Variants in XPR1 observed in about 807,000 individuals in gnomAD.
The protein encoded by XPR1 is solute carrier family 53 member 1.
Under a neutral mutation model 87.5 loss-of-function variants are expected in XPR1, and 28 were observed. That is an observed-to-expected ratio of 0.32 (90% CI 0.24 to 0.44). XPR1 has a LOEUF of 0.44. Ranked by LOEUF, XPR1 falls within the 20% of genes least tolerant of loss-of-function variation. XPR1 has a pLI of 1.00. For synonymous variants in XPR1, 300 were observed against 306.1 expected (o/e 0.98, Z 0.21); for missense variants, 559 against 862.3 (o/e 0.65, Z 4.41).
rs1442182671 is a variant in XPR1, at chr1:180,863,812, C to A, written c.1606C>A (p.Leu536Ile). ...LIWDLKMDWG[L>I]FDKNAGENTF... ...CTGGGATCTCAAGATGGACTGGGGT[C>A]TCTTCGATAAGAATGCTGGAGAGAA... Residue 536 changes from leucine (L) to isoleucine (I), a missense_variant, in exon 12 of 15, where the codon CTC becomes ATC. Leu to Ile is a conservative substitution (Grantham distance 5, BLOSUM62 2). Coordinates refer to ENST00000367590, the MANE Select transcript of XPR1 (RefSeq NM_004736.4). 6.2e-7 allele frequency: 1 copy of A among 1,612,088 alleles called. No homozygotes were observed. Among genetic ancestry groups the A allele is most frequent in the East Asian group, 2.2e-5 (1 of 44,804 alleles).
chr1:180,716,317 C>T (rs185240829), intron 2 of XPR1, among the ~76,000 whole-genome samples: 7 of 151,790 alleles, frequency 4.6e-5, no homozygotes, highest in South Asian at 2.1e-4. Flanking sequence ...TTGAACTCCT[C>T]GCCTCAGGTG....
chr1:180,735,416 T>A (rs756926480), intron 2 of XPR1, among the ~76,000 whole-genome samples: 2 of 152,226 alleles, frequency 1.3e-5, no homozygotes, highest in Non-Finnish European at 2.9e-5. Context: ...GAAGACAAGA[T>A]TGAGCTTGAT....
At chr1:180,734,352 A>G (rs1658657990) in intron 2 of XPR1, among the ~76,000 whole-genome samples, 2 of 152,190 alleles carry the variant, frequency 1.3e-5, no homozygotes, top group African/African-American at 4.8e-5. Flanking sequence ...GTTTGTTTAT[A>G]TAGCAAAAGA....
In XPR1 at chr1:180,889,450, A is replaced by G. The variant is rs1653116343; in HGVS notation, c.*5384A>G. On this transcript the variant is annotated 3_prime_UTR_variant, in exon 15 of 15. Transcript: ENST00000367590. ...TCTAGAAAGTTGTGGACTTCTAAGAAAGAGCCAGGCTTCCATCTCACTATC... is the reference window on the plus strand; with the variant it reads ...TCTAGAAAGTTGTGGACTTCTAAGAGAGAGCCAGGCTTCCATCTCACTATC... 1 of 152,258 alleles carries G rather than the reference A, an allele frequency of 6.6e-6. No individual in the cohort carries two copies. The highest frequency in any genetic ancestry group is 2.4e-5 in the African/African-American group (1 of 41,470). The allele number at this position is 152,258 out of a possible 1,614,324, so 9.4% of individuals were successfully genotyped here. A position where few individuals can be genotyped will look rare whatever the true frequency, so the allele number is the denominator to read the frequency against.
intron 9 of XPR1, among the ~76,000 whole-genome samples, chr1:180,830,787 A>G (rs1307167545): frequency 2.0e-5 from 3 of 152,132 alleles, no homozygotes; most frequent in African/African-American, 7.2e-5. Flanking sequence ...ATTTGAGCCT[A>G]TTTCTGGTAA....
chr1:180,811,606 G>GT, intron 7 of XPR1, 118 bp downstream of exon 7: 1 of 793,260 alleles, frequency 1.3e-6, no homozygotes, highest in Non-Finnish European at 1.9e-6. Flanking sequence ...AAATCTATCA[G>GT]GGCTAAGTTT....
At chr1:180,824,732 A>G (rs777501230) in intron 7 of XPR1, 21 bp from the exon 8 acceptor site, 2 of 1,578,750 alleles carry the variant, frequency 1.3e-6, no homozygotes, top group East Asian at 2.2e-5. Flanking sequence ...ATAACTGACC[A>G]ATATCTTAAT....
chr1:180,786,035 G>C (rs1049293138), intron 2 of XPR1, among the ~76,000 whole-genome samples: 3 of 151,714 alleles, frequency 2.0e-5, no homozygotes, highest in Non-Finnish European at 2.9e-5. Flanking sequence ...ACCTTGGGCA[G>C]CTATAGCCCT....
intron 11 of XPR1, among the ~76,000 whole-genome samples, chr1:180,856,512 C>G (rs958181577): frequency 3.9e-5 from 6 of 152,158 alleles, no homozygotes; most frequent in Non-Finnish European, 7.3e-5. Context: ...TTCTGGGCTT[C>G]CTCCACCTCG....
chr1:180,750,780 C>A (rs1647502105), intron 2 of XPR1, among the ~76,000 whole-genome samples: 1 of 151,930 alleles, frequency 6.6e-6, no homozygotes, highest in African/African-American at 2.4e-5. Flanking sequence ...GCAAAACAGT[C>A]TCCTGGGATT....
At chr1:180,668,349 G>C (rs10914061) in intron 1 of XPR1, among the ~76,000 whole-genome samples, 86,830 of 151,666 alleles carry the variant, frequency 0.57, 25,347 homozygotes, top group Non-Finnish European at 0.63. Flanking sequence ...GGCTGGTCTT[G>C]AACTCCTGAC....
chr1:180,832,764 G>T (rs1366092682), intron 9 of XPR1, among the ~76,000 whole-genome samples: 1 of 151,856 alleles, frequency 6.6e-6, no homozygotes, highest in Non-Finnish European at 1.5e-5. Context: ...GGTTACTGTA[G>T]CCTTGTAGTA....
rs3002117 is a variant in XPR1 at position 180,803,278 on chromosome 1, G to A, written c.224-110G>A. On this transcript the variant is annotated intron_variant, in intron 3 of 14. Coordinates refer to ENST00000367590, the MANE Select transcript of XPR1 (RefSeq NM_004736.4). ...TAGAGTTCTAAATATTACATGTAAC[G>A]GTTTTCTTCTAGAAATTCTAAGGGA... 268,310 of 982,326 alleles carry A rather than the reference G, an allele frequency of 0.27. 39,374 individuals are homozygous for A. The highest frequency in any genetic ancestry group is 0.53 in the East Asian group (20,343 of 38,370). 60.9% of individuals were successfully genotyped at this position (982,326 alleles called of 1,614,324 possible).
rs1649984443 is a variant in XPR1, at chr1:180,806,183, A to C, written c.569A>C (p.Lys190Thr). The change falls in exon 5 of 15, where the codon AAA becomes ACA. Residue 190 changes from lysine to threonine, a missense_variant. Transcript: ENST00000367590. ...VEVAPFYTCK[K>T]INQLISETEA... is the part of the protein sequence containing the mutation. ...GTGGCCCCATTTTATACATGCAAGA[A>C]AATCAACCAGCTTATCTCTGAAACT... The C allele has an allele frequency of 6.2e-7, 1 of 1,613,620 alleles. No individual in the cohort carries two copies. Among genetic ancestry groups the C allele is most frequent in the Non-Finnish European group, 8.5e-7 (1 of 1,179,680 alleles).
At chr1:180,848,310 C>T (rs1651755890) in intron 11 of XPR1, among the ~76,000 whole-genome samples, 1 of 152,138 alleles carries the variant, frequency 6.6e-6, no homozygotes, top group Admixed American at 6.5e-5. Flanking sequence ...TCTCCCTATC[C>T]TTCTCTCCCC....
chr1:180,683,360 T>G (rs898779376), intron 2 of XPR1, among the ~76,000 whole-genome samples: 2 of 150,672 alleles, frequency 1.3e-5, no homozygotes, highest in African/African-American at 5.0e-5. Flanking sequence ...TAATCCAGTC[T>G]ATTGTTGTTG....
At chr1:180,719,829 T>C (rs1571763602) in intron 2 of XPR1, among the ~76,000 whole-genome samples, 1 of 152,212 alleles carries the variant, frequency 6.6e-6, no homozygotes, top group Non-Finnish European at 1.5e-5. Flanking sequence ...AACTGTTCAG[T>C]CATTTCATCT....
At chr1:180,708,529 C>T (rs904729281) in intron 2 of XPR1, among the ~76,000 whole-genome samples, 2 of 151,572 alleles carry the variant, frequency 1.3e-5, no homozygotes, top group Admixed American at 6.6e-5. Flanking sequence ...AGTAAATTTA[C>T]GTTTCTGGAA....
chr1:180,759,233 A>G (rs930417867), intron 2 of XPR1, among the ~76,000 whole-genome samples: 5 of 152,208 alleles, frequency 3.3e-5, no homozygotes, highest in African/African-American at 1.2e-4. Flanking sequence ...AAACACATTC[A>G]AAAGCTAGCA....
Sources: gnomAD v4.1 joint callset for allele counts (sites outside exome capture counted in the v4.1 genomes callset) on GRCh38, gnomAD v4.1.1 for gene constraint, MANE v1.5 for transcripts, NCBI Gene and HGNC (gene_info 2026-07-23, HGNC 2026-07-21) for gene names.